The following CMYA5 variants were observed in gnomAD, a reference collection of about 807,000 sequenced individuals.
CMYA5 encodes cardiomyopathy-associated protein 5.
A neutral mutation model predicts 318.9 loss-of-function variants in CMYA5; 246 were observed. The observed-to-expected ratio is 0.77, with a 90% CI of 0.70 to 0.86. CMYA5 has a LOEUF of 0.86. Among genes scored for constraint, CMYA5 ranks in the 40% least tolerant of loss-of-function variants. The pLI is 0.00. For missense variants in CMYA5, 4,589 were observed against 4,678.2 expected (o/e 0.98, Z 0.56); for synonymous variants, 1,641 against 1,729.5 (o/e 0.95, Z 1.27).
chr5:79,737,610 G>A lies in CMYA5; in HGVS notation c.8845G>A (p.Glu2949Lys), dbSNP rs756881414. Reference sequence around the variant, plus strand: ...GAAGACTGCCTTTAGTATCATTTCTGAAGGCTGTGAGATATTGAATATTCA... The same window carrying A: ...GAAGACTGCCTTTAGTATCATTTCTAAAGGCTGTGAGATATTGAATATTCA... ...DQKTAFSIIS[E>K]GCEILNIHAP... The change falls in exon 2 of 13, where the codon GAA (glutamate) becomes AAA (lysine). Residue 2949 changes from glutamate (E) to lysine (K), a missense_variant. By Grantham distance (56) the Glu-to-Lys change is moderately conservative (BLOSUM62 1). Coordinates refer to ENST00000446378, the MANE Select transcript of CMYA5 (RefSeq NM_153610.5). The A allele has an allele frequency of 6.2e-7, 1 of 1,613,506 alleles. No individual in the cohort carries two copies. Among genetic ancestry groups the A allele is most frequent in the Non-Finnish European group, 8.5e-7 (1 of 1,179,796 alleles).
intron 1 of CMYA5, among the ~76,000 whole-genome samples, chr5:79,717,479 C>T (rs4235714): frequency 0.45 from 68,530 of 151,892 alleles, 16,390 homozygotes; most frequent in African/African-American, 0.6. Flanking sequence ...CTTGCAGCAT[C>T]ATTGATGGAT....
Position 79,709,960 on chromosome 5 carries a change from CAAAAAAAAAAAAA to C in CMYA5, c.150-18939_150-18927del, listed in dbSNP as rs61657639. On this transcript the variant is annotated intron_variant, in intron 1 of 12. Coordinates refer to ENST00000446378, the MANE Select transcript of CMYA5 (RefSeq NM_153610.5). ...TGGGTGACAGAGTGAGACTCCATCT[CAAAAAAAAAAAAA>C]AAAAAAAAAAAAAAAGAAAGAAAGA... Among the ~76,000 whole-genome samples the C allele has an allele frequency of 1.6e-4, 4 of 24,322 alleles. 1 individual carries two copies. The South Asian group carries it at 0.011, about 69-fold the overall frequency. 16.0% of individuals were successfully genotyped at this position (24,322 alleles called of 152,430 possible).
At chr5:79,698,118 G>C (rs765794076) in intron 1 of CMYA5, among the ~76,000 whole-genome samples, 29 of 152,198 alleles carry the variant, frequency 1.9e-4, no homozygotes, top group Non-Finnish European at 3.4e-4. Context: ...ATTTATATTA[G>C]TTTTGGGGTC....
Position 79,732,679 on chromosome 5 carries a change from A to G in CMYA5, c.3914A>G (p.His1305Arg), listed in dbSNP as rs775623456. ...ALSAVKMEMK[H>R]DSKITTTPIV... ...TCAGCAGTGAAAATGGAGATGAAACATGATTCCAAAATAACAACTACACCT... is the reference window on the plus strand; with the variant it reads ...TCAGCAGTGAAAATGGAGATGAAACGTGATTCCAAAATAACAACTACACCT... The change falls in exon 2 of 13, where the codon CAT becomes CGT. Residue 1305 changes from histidine to arginine, a missense_variant. Around this residue, in one of 3 missense-constraint regions of CMYA5, gnomAD observed 2,132 missense variants for 2,131.3 expected, o/e 1.00. Transcript: ENST00000446378. 1.2e-6 allele frequency: 2 copies of G among 1,613,490 alleles called. No homozygotes were observed. Among genetic ancestry groups the G allele is most frequent in the South Asian group, 1.1e-5 (1 of 90,966 alleles).
chr5:79,712,753 T>G (rs1418526353), intron 1 of CMYA5, among the ~76,000 whole-genome samples: 1 of 152,206 alleles, frequency 6.6e-6, no homozygotes, highest in African/African-American at 2.4e-5. Flanking sequence ...CTTTTTGGAC[T>G]GATTTGCCCT....
In CMYA5 at chr5:79,733,207, A is replaced by T; in HGVS notation, c.4442A>T (p.Gln1481Leu). Residue 1481 changes from glutamine (Q) to leucine (L), a missense_variant, in exon 2 of 13, where the codon CAG becomes CTG. Physicochemically the swap from Gln to Leu is moderately radical, Grantham distance 113. Coordinates refer to ENST00000446378, the MANE Select transcript of CMYA5 (RefSeq NM_153610.5). Reference protein sequence around the residue: ...GLPVIKTSSSQHSDKSEEARV... With the variant: ...GLPVIKTSSSLHSDKSEEARV... The stretch of plus-strand genomic sequence containing the variant: ...CCAGTAATCAAAACATCATCTTCTC[A>T]GCATTCAGATAAATCTGAGGAAGCA... 1 of 1,613,688 alleles carries T rather than the reference A, an allele frequency of 6.2e-7. No individual in the cohort carries two copies. The highest frequency in any genetic ancestry group is 2.2e-5 in the East Asian group (1 of 44,880).
chr5:79,764,888 G>A (rs971467942), intron 9 of CMYA5, among the ~76,000 whole-genome samples: 3 of 151,998 alleles, frequency 2.0e-5, no homozygotes, highest in African/African-American at 7.2e-5. Flanking sequence ...CTGGATATAA[G>A]CCCTTTGTCA....
Position 79,735,344 on chromosome 5 carries a change from TA to T in CMYA5, c.6581del (p.Asn2194ThrfsTer9). 1 of 1,613,814 alleles carries T rather than the reference TA, an allele frequency of 6.2e-7. No homozygotes were observed. Among genetic ancestry groups the T allele is most frequent in the Non-Finnish European group, 8.5e-7 (1 of 1,179,806 alleles). Reference protein sequence around the residue: ...SLFFGSSTPDNKVAEQEDLET... With the variant: ...SLFFGSSTPDXKVAEQEDLET... Reference sequence around the variant, plus strand: ...TGTTTTTTGGATCGAGCACTCCAGATAACAAAGTTGCTGAACAAGAAGACTT... The same window carrying T: ...TGTTTTTTGGATCGAGCACTCCAGATACAAAGTTGCTGAACAAGAAGACTT... On this transcript the variant is annotated frameshift_variant, in exon 2 of 13. Transcript: ENST00000446378. LOFTEE classifies it high-confidence loss of function.
At position 79,748,357 on chromosome 5, in the gene CMYA5, C is replaced by T. The variant is rs1031827988; in HGVS notation, c.10991+1244C>T. Among the ~76,000 whole-genome samples, 3 of 152,148 alleles carry T rather than the reference C, an allele frequency of 2.0e-5. No individual in the cohort carries two copies. The East Asian group carries it at 5.8e-4, about 29-fold the overall frequency. Reference sequence around the variant, plus strand: ...CTGTGCAATTTGTTTAACCAAAGATCCTTTGGTCCCACCCCAGATCCACTA... The same window carrying T: ...CTGTGCAATTTGTTTAACCAAAGATTCTTTGGTCCCACCCCAGATCCACTA... On this transcript the variant is annotated intron_variant, in intron 5 of 12. Coordinates refer to ENST00000446378, the MANE Select transcript of CMYA5 (RefSeq NM_153610.5).
At chr5:79,793,374 T>C in intron 11 of CMYA5, 63 bp from the exon 12 acceptor site, 1 of 1,482,774 alleles carries the variant, frequency 6.7e-7, no homozygotes, top group Non-Finnish European at 9.3e-7. Flanking sequence ...TGAATGTTTA[T>C]GCTTATGAGA....
chr5:79,701,090 C>CAAAAAAAAAAAAAA (rs1554097982), intron 1 of CMYA5, among the ~76,000 whole-genome samples: 2 of 114,906 alleles, frequency 1.7e-5, no homozygotes, highest in African/African-American at 6.2e-5. Context: ...ACTAAAAATA[C>CAAAAAAAAAAAAAA]AAAAAAAAAA....
chr5:79,769,456 T>G (rs1396505337), intron 9 of CMYA5, among the ~76,000 whole-genome samples: 1 of 152,168 alleles, frequency 6.6e-6, no homozygotes, highest in Non-Finnish European at 1.5e-5. Context: ...TCGTCTTTGA[T>G]GTTGGTGACC....
chr5:79,710,051 A>G (rs548559668), intron 1 of CMYA5, among the ~76,000 whole-genome samples: 3 of 151,458 alleles, frequency 2.0e-5, no homozygotes, highest in African/African-American at 4.8e-5. Context: ...TTCCAACTAC[A>G]TATCTCTGTG....
chr5:79,712,247 G>T (rs182571638), intron 1 of CMYA5, among the ~76,000 whole-genome samples: 91 of 152,206 alleles, frequency 6.0e-4, no homozygotes, highest in Non-Finnish European at 1.1e-3. Context: ...TGGAGTCTTG[G>T]CCTGTTGCCC....
At chr5:79,757,010 C>T (rs1001600567) in intron 6 of CMYA5, among the ~76,000 whole-genome samples, 55 of 151,764 alleles carry the variant, frequency 3.6e-4, no homozygotes, top group Non-Finnish European at 1.5e-4. Flanking sequence ...CTGGCCAACA[C>T]GGTGAAACCC....
intron 1 of CMYA5, among the ~76,000 whole-genome samples, chr5:79,716,383 T>G (rs1827517522): frequency 6.6e-6 from 1 of 152,236 alleles, no homozygotes; most frequent in Admixed American, 6.5e-5. Context: ...AGTCACAGGC[T>G]GTGAAGAACC....
chr5:79,768,227 C>T (rs944081341), intron 9 of CMYA5, among the ~76,000 whole-genome samples: 1 of 152,124 alleles, frequency 6.6e-6, no homozygotes, highest in Admixed American at 6.5e-5. Flanking sequence ...GAATACAGCA[C>T]ACCAGTGGGT....
chr5:79,735,881 A>G lies in CMYA5; in HGVS notation c.7116A>G (p.Gln2372=). ...FKEEPRSDQK[Q]KSLLSFDVVD... Reference sequence around the variant, plus strand: ...AAGAGCCAAGAAGTGATCAAAAACAAAAATCACTCCTTTCATTTGATGTAG... The same window carrying G: ...AAGAGCCAAGAAGTGATCAAAAACAGAAATCACTCCTTTCATTTGATGTAG... Residue 2372 remains glutamine (Q), a synonymous_variant, in exon 2 of 13, where the codon CAA becomes CAG. Coordinates refer to ENST00000446378, the MANE Select transcript of CMYA5 (RefSeq NM_153610.5). 1 of 1,579,280 alleles carries G rather than the reference A, an allele frequency of 6.3e-7. No individual in the cohort carries two copies. Among genetic ancestry groups the G allele is most frequent in the Non-Finnish European group, 8.6e-7 (1 of 1,169,362 alleles).
At position 79,735,523 on chromosome 5, in the gene CMYA5, T is replaced by A; in HGVS notation, c.6758T>A (p.Leu2253Ter). 1 of 1,613,092 alleles carries A rather than the reference T, an allele frequency of 6.2e-7. No homozygotes were observed. The highest frequency in any genetic ancestry group is 8.5e-7 in the Non-Finnish European group (1 of 1,179,632). The change falls in exon 2 of 13, where the codon TTA (leucine) becomes TAA (stop). Residue 2253 changes from leucine to a stop codon, truncating the protein, a stop_gained. Coordinates refer to ENST00000446378, the MANE Select transcript of CMYA5 (RefSeq NM_153610.5). LOFTEE classifies it high-confidence loss of function. Reference protein sequence around the residue: ...LKTADEPRGTLVKSGDGQNVK... With the variant: ...LKTADEPRGT Reference sequence around the variant, plus strand: ...ACTGCTGATGAACCCAGAGGTACTTTAGTAAAATCTGGTGACGGTCAAAAC... The same window carrying A: ...ACTGCTGATGAACCCAGAGGTACTTAAGTAAAATCTGGTGACGGTCAAAAC...
Sources: allele counts gnomAD v4.1 joint callset (sites outside exome capture counted in the v4.1 genomes callset), GRCh38; gene constraint gnomAD v4.1.1; regional missense constraint gnomAD v4.1.1; transcripts MANE v1.5; gene names NCBI Gene and HGNC (gene_info 2026-07-23, HGNC 2026-07-21).